Variants in NELL1 observed in about 807,000 individuals in gnomAD.
The protein encoded by NELL1 is neural EGFL like 1.
A neutral mutation model predicts 107.4 loss-of-function variants in NELL1; 76 were observed. The ratio of observed to expected loss-of-function variants is 0.71; its 90% CI spans 0.59 to 0.86. The LOEUF (loss-of-function observed/expected upper bound fraction) is 0.86. Ranked by LOEUF, NELL1 falls within the 40% of genes least tolerant of loss-of-function variation. The pLI, the probability that NELL1 is intolerant of heterozygous loss-of-function variation, is 0.00. For missense variants in NELL1, 1,024 were observed against 1,005.5 expected (o/e 1.02, Z -0.25); for synonymous variants, 353 against 341.2 (o/e 1.03, Z -0.38).
intron 16 of NELL1, among the ~76,000 whole-genome samples, chr11:21,559,072 A>T (rs1856790785): frequency 6.6e-6 from 1 of 152,136 alleles, no homozygotes; most frequent in Non-Finnish European, 1.5e-5. Context: ...ACTAAAGCTA[A>T]AATTGGTAAG....
chr11:21,396,805 C>A (rs1851992186), intron 15 of NELL1, among the ~76,000 whole-genome samples: 1 of 151,294 alleles, frequency 6.6e-6, no homozygotes. Context: ...ATATCTAACT[C>A]AAACTGGAGA....
chr11:21,051,783 CAA>C (rs1476025931), intron 12 of NELL1, among the ~76,000 whole-genome samples: 1 of 151,914 alleles, frequency 6.6e-6, no homozygotes, highest in Non-Finnish European at 1.5e-5. Flanking sequence ...ATTCATTCAA[CAA>C]AAATTGAGAA....
intron 12 of NELL1, among the ~76,000 whole-genome samples, chr11:21,044,196 G>T (rs2134337091): frequency 6.6e-6 from 1 of 152,238 alleles, no homozygotes; most frequent in African/African-American, 2.4e-5. Context: ...GGTGCCTTTA[G>T]CAAGAAAGCA....
intron 13 of NELL1, among the ~76,000 whole-genome samples, chr11:21,143,305 G>C (rs909486236): frequency 6.6e-6 from 1 of 152,000 alleles, no homozygotes; most frequent in Non-Finnish European, 1.5e-5. Flanking sequence ...TTTTTGCTTG[G>C]GACAATAATA....
At chr11:20,875,134 G>A (rs867957787) in intron 4 of NELL1, among the ~76,000 whole-genome samples, 50 of 152,054 alleles carry the variant, frequency 3.3e-4, no homozygotes, top group African/African-American at 9.9e-4. Flanking sequence ...CTTTTTGACA[G>A]CTGATCTTAG....
At chr11:21,255,340 G>A (rs1858742460) in intron 14 of NELL1, among the ~76,000 whole-genome samples, 1 of 152,068 alleles carries the variant, frequency 6.6e-6, no homozygotes, top group African/African-American at 2.4e-5. Flanking sequence ...TGGAAAAGCA[G>A]AGAAACTCTC....
intron 15 of NELL1, among the ~76,000 whole-genome samples, chr11:21,502,060 A>T (rs1244609090): frequency 6.6e-6 from 1 of 152,160 alleles, no homozygotes; most frequent in Admixed American, 6.6e-5. Flanking sequence ...TTAGAAGGCA[A>T]ATCCTAGTGA....
At chr11:21,570,461 G>C (rs946303579) in intron 17 of NELL1, among the ~76,000 whole-genome samples, 2 of 151,764 alleles carry the variant, frequency 1.3e-5, no homozygotes, top group African/African-American at 4.8e-5. Context: ...TGCATTTTTA[G>C]CTGCTTACTT....
intron 12 of NELL1, among the ~76,000 whole-genome samples, chr11:21,052,219 G>A (rs1368329569): frequency 6.6e-6 from 1 of 152,094 alleles, no homozygotes; most frequent in Non-Finnish European, 1.5e-5. Context: ...GGGATGTGAA[G>A]TAGAGATTAG....
chr11:21,315,290 C>A (rs1201539238), intron 14 of NELL1, among the ~76,000 whole-genome samples: 1 of 152,148 alleles, frequency 6.6e-6, no homozygotes, highest in East Asian at 1.9e-4. Flanking sequence ...TGTCACAGAA[C>A]TGTAAGTGGT....
chr11:21,212,669 A>G (rs1346024039), intron 13 of NELL1, among the ~76,000 whole-genome samples: 1 of 152,154 alleles, frequency 6.6e-6, no homozygotes, highest in Non-Finnish European at 1.5e-5. Flanking sequence ...CTTTCTCCCA[A>G]ATCCATTGTT....
chr11:21,157,901 G>T (rs181075460), intron 13 of NELL1, among the ~76,000 whole-genome samples: 23 of 152,204 alleles, frequency 1.5e-4, no homozygotes, highest in Admixed American at 2.6e-4. Flanking sequence ...CAGCTTCATT[G>T]GATTGAAGGA....
At chr11:21,564,101 G>T (rs1856914398) in intron 17 of NELL1, among the ~76,000 whole-genome samples, 1 of 151,892 alleles carries the variant, frequency 6.6e-6, no homozygotes, top group African/African-American at 2.4e-5. Flanking sequence ...TCATCCTGTG[G>T]GCAGCAAATG....
In NELL1 at chr11:21,016,488, G is replaced by A. The variant is rs181910402; in HGVS notation, c.1300+55928G>A. Among the ~76,000 whole-genome samples, 7 of 152,020 alleles carry A rather than the reference G, an allele frequency of 4.6e-5. No homozygotes were observed. The East Asian group carries it at 9.7e-4, about 21-fold the overall frequency. ...TCTCTTTCTCCATTCTTACCCACAC[G>A]TACCCTTTGTTCTAGCCATAGTGAA... is the stretch of plus-strand genomic sequence containing the variant. On this transcript the variant is annotated intron_variant, in intron 12 of 19. Transcript: ENST00000357134.
intron 15 of NELL1, among the ~76,000 whole-genome samples, chr11:21,455,741 T>C (rs1590945830): frequency 6.6e-6 from 1 of 152,154 alleles, no homozygotes; most frequent in African/African-American, 2.4e-5. Flanking sequence ...TTGAGTTTCT[T>C]AGGTATATGA....
chr11:20,677,024 G>A (rs548482365), intron 1 of NELL1, among the ~76,000 whole-genome samples: 5 of 152,324 alleles, frequency 3.3e-5, no homozygotes, highest in East Asian at 1.9e-4. Flanking sequence ...CCCCATGGGT[G>A]AGAGGCATCT....
At chr11:21,454,213 A>G (rs910836212) in intron 15 of NELL1, among the ~76,000 whole-genome samples, 16 of 149,052 alleles carry the variant, frequency 1.1e-4, no homozygotes, top group African/African-American at 3.7e-4. Flanking sequence ...TTTACTGAGA[A>G]TGATGATTTC....
At chr11:20,771,077 A>G (rs991322677) in intron 2 of NELL1, among the ~76,000 whole-genome samples, 15 of 151,886 alleles carry the variant, frequency 9.9e-5, no homozygotes, top group Non-Finnish European at 1.9e-4. Flanking sequence ...AAGCTTACTA[A>G]GCCCCCTCCA....
At chr11:21,428,785 T>C (rs1003312996) in intron 15 of NELL1, among the ~76,000 whole-genome samples, 4 of 152,180 alleles carry the variant, frequency 2.6e-5, no homozygotes, top group African/African-American at 9.7e-5. Context: ...AATGATAAAA[T>C]ATAGCCCTAA....
Sources: gnomAD v4.1 joint callset for allele counts (sites outside exome capture counted in the v4.1 genomes callset) on GRCh38, gnomAD v4.1.1 for gene constraint, MANE v1.5 for transcripts, NCBI Gene and HGNC (gene_info 2026-07-23, HGNC 2026-07-21) for gene names.